Variants in ZMAT5 observed in about 807,000 individuals in gnomAD.
The protein encoded by ZMAT5 is zinc finger matrin-type 5.
ZMAT5 carries 23 observed loss-of-function variants against 28.0 expected under a neutral mutation model. That is an observed-to-expected ratio of 0.82 (90% CI 0.59 to 1.16). The LOEUF is 1.16. Among genes scored for constraint, ZMAT5 ranks in the 50% most tolerant of loss-of-function variants. The pLI, the probability that ZMAT5 is intolerant of heterozygous loss-of-function variation, is 0.00. For synonymous variants in ZMAT5, 76 were observed against 84.1 expected, an observed-to-expected ratio of 0.90 and a Z score of 0.52; for missense variants, 173 against 212.7, an observed-to-expected ratio of 0.81 and a Z score of 1.16.
chr22:29,753,276 C>T (rs2068070624), intron 1 of ZMAT5, among the ~76,000 whole-genome samples: 1 of 152,200 alleles, frequency 6.6e-6, no homozygotes, highest in Non-Finnish European at 1.5e-5. Context: ...CCCATAATCC[C>T]AACACTTTGG....
At chr22:29,746,770 C>T (rs1384882492) in intron 2 of ZMAT5, 1 of 152,218 alleles carries the variant, frequency 6.6e-6, no homozygotes, top group Non-Finnish European at 1.5e-5. Context: ...GGGACCTCTG[C>T]CAATCAGCCC....
At chr22:29,756,361 G>C (rs932356510) in intron 1 of ZMAT5, among the ~76,000 whole-genome samples, 5 of 152,186 alleles carry the variant, frequency 3.3e-5, no homozygotes, top group Non-Finnish European at 7.3e-5. Context: ...GAAGCGCCAA[G>C]GAAATCCAGA....
At chr22:29,766,708 G>T (rs915955433) in intron 1 of ZMAT5, among the ~76,000 whole-genome samples, 164 bp downstream of exon 1, 2 of 152,200 alleles carry the variant, frequency 1.3e-5, no homozygotes, top group Non-Finnish European at 2.9e-5. Flanking sequence ...TTAACCTCCA[G>T]GACAAGACTT....
chr22:29,734,518 G>A (rs2067885666), intron 5 of ZMAT5, among the ~76,000 whole-genome samples: 1 of 152,230 alleles, frequency 6.6e-6, no homozygotes, highest in Non-Finnish European at 1.5e-5. Context: ...CCGAACAGCA[G>A]CCTAAATGCT....
chr22:29,733,475 C>T (rs1051606539), intron 5 of ZMAT5, among the ~76,000 whole-genome samples: 2 of 152,224 alleles, frequency 1.3e-5, no homozygotes, highest in South Asian at 4.1e-4. Flanking sequence ...GCCTCCAGGA[C>T]CCCCAGGTGT....
chr22:29,737,452 T>A (rs1359878279), intron 5 of ZMAT5, among the ~76,000 whole-genome samples: 6 of 152,220 alleles, frequency 3.9e-5, no homozygotes, highest in Non-Finnish European at 1.5e-5. Context: ...TCCCCCAGAC[T>A]ATCTGGCCAG....
At chr22:29,741,135 A>C (rs1277498919) in intron 3 of ZMAT5, among the ~76,000 whole-genome samples, 1 of 152,202 alleles carries the variant, frequency 6.6e-6, no homozygotes, top group African/African-American at 2.4e-5. Context: ...TGCCCAGCCT[A>C]GTATTCTGCC....
chr22:29,763,049 G>T (rs563496827), intron 1 of ZMAT5, among the ~76,000 whole-genome samples: 2 of 152,106 alleles, frequency 1.3e-5, no homozygotes, highest in East Asian at 3.9e-4. Context: ...ATTAGGCTGG[G>T]TGGGAGGCCG....
At chr22:29,743,888 T>C (rs2067986495) in intron 2 of ZMAT5, among the ~76,000 whole-genome samples, 1 of 152,174 alleles carries the variant, frequency 6.6e-6, no homozygotes, top group African/African-American at 2.4e-5. Flanking sequence ...AGGCAAGGCC[T>C]GGGCTGGACA....
chr22:29,737,601 C>A (rs934506540), intron 5 of ZMAT5, among the ~76,000 whole-genome samples: 2 of 152,194 alleles, frequency 1.3e-5, no homozygotes, highest in Admixed American at 6.5e-5. Context: ...GGCTCCTGGG[C>A]GCAGCTTTAT....
In ZMAT5 at chr22:29,740,585, C is replaced by T. The variant is rs371722982; in HGVS notation, c.271+65G>A. On this transcript the variant is annotated intron_variant, in intron 4 of 5. Coordinates refer to ENST00000344318, the MANE Select transcript of ZMAT5 (RefSeq NM_001003692.2). ...ATAGGGAGGCATAGGCCAGCTTCCCCGGTCTCAGAGCCCACATGCCCCAGC... is the reference window on the plus strand; with the variant it reads ...ATAGGGAGGCATAGGCCAGCTTCCCTGGTCTCAGAGCCCACATGCCCCAGC... The T allele has an allele frequency of 1.6e-3, 2,368 of 1,493,572 alleles. 49 individuals carry two copies. In the South Asian group the frequency reaches 0.026, roughly 16 times the overall value. 92.5% of individuals were successfully genotyped at this position (1,493,572 alleles called of 1,614,324 possible). A position where few individuals can be genotyped will look rare whatever the true frequency, so the allele number is the denominator to read the frequency against.
intron 1 of ZMAT5, among the ~76,000 whole-genome samples, chr22:29,761,842 G>C (rs1748764136): frequency 2.0e-5 from 3 of 152,148 alleles, no homozygotes; most frequent in Admixed American, 2.0e-4. Context: ...GCAATGATTG[G>C]AAATATGGAC....
intron 2 of ZMAT5, among the ~76,000 whole-genome samples, chr22:29,744,358 C>T (rs113443555): frequency 3.5e-4 from 33 of 95,404 alleles, no homozygotes; most frequent in African/African-American, 1.2e-3. Context: ...CCAAGGGCAA[C>T]TGGTGGCTTG....
At chr22:29,762,752 A>G (rs1159948840) in intron 1 of ZMAT5, among the ~76,000 whole-genome samples, 1 of 152,248 alleles carries the variant, frequency 6.6e-6, no homozygotes, top group African/African-American at 2.4e-5. Context: ...CACAATAAAT[A>G]TAATCCACTT....
At chr22:29,755,994 T>C (rs1266931295) in intron 1 of ZMAT5, among the ~76,000 whole-genome samples, 1 of 152,250 alleles carries the variant, frequency 6.6e-6, no homozygotes, top group Admixed American at 6.5e-5. Context: ...GCTTCATCAA[T>C]ATTCTCCATT....
chr22:29,765,878 C>T (rs1453023626), intron 1 of ZMAT5, among the ~76,000 whole-genome samples: 1 of 152,064 alleles, frequency 6.6e-6, no homozygotes, highest in African/African-American at 2.4e-5. Context: ...AAATAAATAA[C>T]CACCCATCTT....
chr22:29,759,676 G>A (rs897387298), intron 1 of ZMAT5, among the ~76,000 whole-genome samples: 3 of 152,030 alleles, frequency 2.0e-5, no homozygotes, highest in Admixed American at 2.0e-4. Context: ...ATGCTAAGAT[G>A]GGAGGATCAC....
intron 1 of ZMAT5, among the ~76,000 whole-genome samples, chr22:29,761,757 G>C (rs1276886393): frequency 1.3e-5 from 2 of 152,116 alleles, no homozygotes; most frequent in African/African-American, 4.8e-5. Flanking sequence ...AAATACAAAA[G>C]TTAAAATATA....
chr22:29,739,817 G>A (rs140118), intron 4 of ZMAT5, among the ~76,000 whole-genome samples: 46,969 of 152,234 alleles, frequency 0.31, 8,532 homozygotes, highest in East Asian at 0.6. Context: ...TGTTGGTCCC[G>A]GGGCTGCAGC....
Sources: allele counts gnomAD v4.1 joint callset (sites outside exome capture counted in the v4.1 genomes callset), GRCh38; gene constraint gnomAD v4.1.1; transcripts MANE v1.5; gene names NCBI Gene and HGNC (gene_info 2026-07-23, HGNC 2026-07-21).